UBE2E2: variants seen among roughly 807,000 people sequenced by gnomAD.
UBE2E2 encodes ubiquitin conjugating enzyme E2 E2.
UBE2E2 carries 6 observed loss-of-function variants against 24.7 expected under a neutral mutation model. That is an observed-to-expected ratio of 0.24 (90% CI 0.13 to 0.48). The LOEUF is 0.48. Among genes scored for constraint, UBE2E2 ranks in the 20% least tolerant of loss-of-function variants. UBE2E2 has a pLI of 0.99. For synonymous variants in UBE2E2, 104 were observed against 83.6 expected (o/e 1.24, Z -1.33); for missense variants, 169 against 245.0 (o/e 0.69, Z 2.07).
intron 3 of UBE2E2, among the ~76,000 whole-genome samples, chr3:23,387,398 T>C (rs1696828141): frequency 6.6e-6 from 1 of 152,220 alleles, no homozygotes; most frequent in African/African-American, 2.4e-5. Context: ...TGCTACTCTT[T>C]TATTGTGTCT....
At chr3:23,408,286 T>C (rs573217651) in intron 3 of UBE2E2, among the ~76,000 whole-genome samples, 1 of 152,208 alleles carries the variant, frequency 6.6e-6, no homozygotes, top group Non-Finnish European at 1.5e-5. Context: ...TTCTCCTTTT[T>C]TTTGTGCTAA....
chr3:23,575,557 T>G (rs1696329137), intron 5 of UBE2E2, among the ~76,000 whole-genome samples: 2 of 152,124 alleles, frequency 1.3e-5, no homozygotes, highest in African/African-American at 4.8e-5. Context: ...TGAAAAAATG[T>G]TAAACTTCAG....
At chr3:23,398,509 T>C (rs1206377264) in intron 3 of UBE2E2, among the ~76,000 whole-genome samples, 1 of 152,044 alleles carries the variant, frequency 6.6e-6, no homozygotes, top group Non-Finnish European at 1.5e-5. Context: ...TGATAACTTG[T>C]GGTGGGAAAA....
At chr3:23,297,768 G>C (rs1158764891) in intron 3 of UBE2E2, among the ~76,000 whole-genome samples, 2 of 152,086 alleles carry the variant, frequency 1.3e-5, no homozygotes, top group African/African-American at 4.8e-5. Context: ...TTGGTGATGG[G>C]GGCTCTTTTT....
chr3:23,555,633 T>C (rs899123404), intron 5 of UBE2E2, among the ~76,000 whole-genome samples: 1 of 152,134 alleles, frequency 6.6e-6, no homozygotes, highest in Non-Finnish European at 1.5e-5. Context: ...AGTGGACAAA[T>C]AGATAAACTG....
At position 23,436,729 on chromosome 3, in the gene UBE2E2, G is replaced by A. The variant is rs367590585; in HGVS notation, c.228-62879G>A. ...TCCATGTTCCATCTTATTTTTATTA[G>A]AACGTCTTAAGTTCCCCCTCTGCAG... On this transcript the variant is annotated intron_variant, in intron 3 of 5. Coordinates refer to ENST00000396703, the MANE Select transcript of UBE2E2 (RefSeq NM_152653.4). Among the ~76,000 whole-genome samples the A allele has an allele frequency of 3.3e-5, 5 of 152,112 alleles. No individual in the cohort carries two copies. In the East Asian group the frequency reaches 7.7e-4, roughly 24 times the overall value.
Position 23,567,814 on chromosome 3 carries a change from A to G in UBE2E2, c.509-21920A>G, listed in dbSNP as rs555367226. On this transcript the variant is annotated intron_variant, in intron 5 of 5. Transcript: ENST00000396703. ...TACTTACTGCATGGTCATCTGTGGT[A>G]TCCTATATCCTAGACACTTTGTTGG... Among the ~76,000 whole-genome samples the G allele has an allele frequency of 2.0e-5, 3 of 152,348 alleles. No individual in the cohort carries two copies. In the South Asian group the frequency reaches 6.2e-4, roughly 32 times the overall value.
chr3:23,330,575 C>G (rs990379056), intron 3 of UBE2E2, among the ~76,000 whole-genome samples: 7 of 152,142 alleles, frequency 4.6e-5, no homozygotes, highest in Admixed American at 1.3e-4. Flanking sequence ...CTAATTGAGT[C>G]ACTTGAATTT....
chr3:23,462,892 T>C (rs566605687), intron 3 of UBE2E2, among the ~76,000 whole-genome samples: 77 of 152,250 alleles, frequency 5.1e-4, no homozygotes, highest in Admixed American at 2.9e-3. Context: ...TGCCTTAGTT[T>C]CCTTGTCTGT....
At chr3:23,490,204 T>C (rs554978900) in intron 3 of UBE2E2, among the ~76,000 whole-genome samples, 1 of 152,200 alleles carries the variant, frequency 6.6e-6, no homozygotes, top group Non-Finnish European at 1.5e-5. Context: ...CCAAAGTCTT[T>C]ATAATCATAA....
chr3:23,478,352 G>A (rs549129224), intron 3 of UBE2E2, among the ~76,000 whole-genome samples: 1 of 152,288 alleles, frequency 6.6e-6, no homozygotes, highest in African/African-American at 2.4e-5. Context: ...GTTTTACAAA[G>A]TGGCTAACTC....
At chr3:23,435,656 C>T (rs891281122) in intron 3 of UBE2E2, among the ~76,000 whole-genome samples, 4 of 152,124 alleles carry the variant, frequency 2.6e-5, no homozygotes, top group Non-Finnish European at 5.9e-5. Context: ...TGGGGGTATC[C>T]CCTGGTTCCC....
intron 3 of UBE2E2, among the ~76,000 whole-genome samples, chr3:23,236,220 A>G (rs1697107992): frequency 6.6e-6 from 1 of 152,188 alleles, no homozygotes; most frequent in African/African-American, 2.4e-5. Flanking sequence ...GAAATTTTCA[A>G]GTGAATACGA....
intron 3 of UBE2E2, among the ~76,000 whole-genome samples, chr3:23,257,716 C>T (rs2125351428): frequency 6.6e-6 from 1 of 151,734 alleles, no homozygotes; most frequent in South Asian, 2.1e-4. Context: ...AAAACATACC[C>T]AATATCTAGT....
intron 5 of UBE2E2, among the ~76,000 whole-genome samples, chr3:23,562,233 G>A (rs962078346): frequency 2.0e-5 from 3 of 151,976 alleles, no homozygotes; most frequent in East Asian, 1.9e-4. Context: ...ATTATTTTGA[G>A]ATACGTCCCA....
chr3:23,360,697 AT>A (rs1419401994), intron 3 of UBE2E2, among the ~76,000 whole-genome samples: 1 of 152,156 alleles, frequency 6.6e-6, no homozygotes, highest in Non-Finnish European at 1.5e-5. Context: ...CCTGTTTGGC[AT>A]TTAACATCAT....
intron 3 of UBE2E2, among the ~76,000 whole-genome samples, chr3:23,324,950 A>T (rs944323948): frequency 6.6e-6 from 1 of 152,194 alleles, no homozygotes; most frequent in South Asian, 2.1e-4. Context: ...TGTCTGTTCA[A>T]CAAACCACAG....
chr3:23,505,040 G>A (rs565981030), intron 4 of UBE2E2, among the ~76,000 whole-genome samples: 1 of 150,402 alleles, frequency 6.6e-6, no homozygotes, highest in African/African-American at 2.4e-5. Context: ...CAAGAGGCTG[G>A]GACTACAGGC....
Position 23,237,049 on chromosome 3 carries a change from A to T in UBE2E2, c.227+19737A>T, listed in dbSNP as rs139205323. 3.7e-3 allele frequency among the ~76,000 whole-genome samples: 558 copies of T among 152,296 alleles called. 4 individuals carry two copies. The highest frequency in any genetic ancestry group is 0.013 in the African/African-American group (533 of 41,566). On this transcript the variant is annotated intron_variant, in intron 3 of 5. Coordinates refer to ENST00000396703, the MANE Select transcript of UBE2E2 (RefSeq NM_152653.4). ...GTGGTTTCTTTTGGAGAGACTGGCT[A>T]GACTACGTATACATAGCCTCTTGGT...
Sources: gnomAD v4.1 joint callset for allele counts (sites outside exome capture counted in the v4.1 genomes callset) on GRCh38, gnomAD v4.1.1 for gene constraint, MANE v1.5 for transcripts, NCBI Gene and HGNC (gene_info 2026-07-23, HGNC 2026-07-21) for gene names.